ADCY6: variants seen among roughly 807,000 people sequenced by gnomAD.
ADCY6 encodes the protein adenylate cyclase 6.
A neutral mutation model predicts 111.6 loss-of-function variants in ADCY6; 59 were observed. The ratio of observed to expected loss-of-function variants is 0.53; its 90% confidence interval spans 0.43 to 0.66. ADCY6 has a LOEUF of 0.66. Ranked by LOEUF, ADCY6 falls within the 30% of genes least tolerant of loss-of-function variation. The pLI, the probability that ADCY6 is intolerant of heterozygous loss-of-function variation, is 0.00. For missense variants in ADCY6, 1,242 were observed against 1,595.6 expected (o/e 0.78, Z 3.78); for synonymous variants, 576 against 642.9 (o/e 0.90, Z 1.57).
chr12:48,781,914 T>C (rs899501714), intron 2 of ADCY6, among the ~76,000 whole-genome samples: 1 of 152,116 alleles, frequency 6.6e-6, no homozygotes, highest in Non-Finnish European at 1.5e-5. Context: ...ATGGGGAAGG[T>C]GGGATACGAT....
chr12:48,777,030 A>G lies in ADCY6; in HGVS notation c.1376+74T>C. ...AAGCCAAAACTGAGGAAATCTCCTGAGGTCTCATCAAAAAGTAGGAGCAGT... is the reference window on the plus strand; with the variant it reads ...AAGCCAAAACTGAGGAAATCTCCTGGGGTCTCATCAAAAAGTAGGAGCAGT... On this transcript the variant is annotated intron_variant, in intron 6 of 21. Coordinates refer to ENST00000357869, the MANE Select transcript of ADCY6 (RefSeq NM_015270.5). The surrounding 1 kb of genome is among the most constrained non-coding windows in gnomAD (Gnocchi z 4.9). 6.6e-7 allele frequency: 1 copy of G among 1,513,270 alleles called. No homozygotes were observed. The highest frequency in any genetic ancestry group is 8.8e-7 in the Non-Finnish European group (1 of 1,130,366). 93.7% of individuals were successfully genotyped at this position (1,513,270 alleles called of 1,614,324 possible). A position where few individuals can be genotyped will look rare whatever the true frequency, so the allele number is the denominator to read the frequency against.
In ADCY6 at chr12:48,774,426, C is replaced by T. The variant is rs1165948410; in HGVS notation, c.2259G>A (p.Val753=). The change falls in exon 14 of 22, where the codon GTG becomes GTA. Residue 753 remains valine (V), a synonymous_variant. Coordinates refer to ENST00000357869, the MANE Select transcript of ADCY6 (RefSeq NM_015270.5). Reference sequence around the variant, plus strand: ...CCATGTTGGCAATGGCAGAAGTAAACACAAGCAGGACGGAAAAGATGCCAA... The same window carrying T: ...CCATGTTGGCAATGGCAGAAGTAAATACAAGCAGGACGGAAAAGATGCCAA... ...TAVGIFSVLL[V]FTSAIANMFT... is the part of the protein sequence containing the mutation. 6.2e-7 allele frequency: 1 copy of T among 1,613,734 alleles called. No homozygotes were observed. The highest frequency in any genetic ancestry group is 2.2e-5 in the East Asian group (1 of 44,866).
chr12:48,776,780 A>C lies in ADCY6; in HGVS notation c.1377-194T>G, dbSNP rs570145628. Among the ~76,000 whole-genome samples the C allele has an allele frequency of 5.1e-4, 77 of 152,322 alleles. No homozygotes were observed. Among genetic ancestry groups the C allele is most frequent in the African/African-American group, 1.8e-3 (75 of 41,562 alleles). ...GACAAATGTTAAGGCTGTGTTCAAC[A>C]GCAGGGGCCCAGCAGCATCTTATGG... On this transcript the variant is annotated intron_variant, in intron 6 of 21. Transcript: ENST00000357869. This position sits in a 1 kb window ranked among gnomAD's most constrained non-coding sequence, Gnocchi z 6.1.
In ADCY6 at chr12:48,775,991, G is replaced by A. The variant is rs754797649; in HGVS notation, c.1778C>T (p.Thr593Ile). The change falls in exon 9 of 22, where the codon ACC becomes ATC. Residue 593 changes from threonine (T) to isoleucine (I), a missense_variant. By Grantham distance (89) the Thr-to-Ile change is moderately conservative. Around this residue, in one of 4 missense-constraint regions of ADCY6, gnomAD observed 375 missense variants for 432.5 expected, o/e 0.87. Transcript: ENST00000357869. ...CTGGCGGAAGGCCTTGGAGTCCTTGGTCCGGGAGAAGGCACGATCAGGAAC... is the reference window on the plus strand; with the variant it reads ...CTGGCGGAAGGCCTTGGAGTCCTTGATCCGGGAGAAGGCACGATCAGGAAC... ...RWVPDRAFSR[T>I]KDSKAFRQMG... 5 of 1,609,632 alleles carry A rather than the reference G, an allele frequency of 3.1e-6. No individual in the cohort carries two copies. The South Asian group carries it at 5.5e-5, about 18-fold the overall frequency.
rs1941730950 is a variant in ADCY6, at chr12:48,777,334, C to T, written c.1248+76G>A. 1 of 1,601,218 alleles carries T rather than the reference C, an allele frequency of 6.2e-7. No homozygotes were observed. Among genetic ancestry groups the T allele is most frequent in the East Asian group, 2.2e-5 (1 of 44,770 alleles). On this transcript the variant is annotated intron_variant, in intron 5 of 21. Coordinates refer to ENST00000357869, the MANE Select transcript of ADCY6 (RefSeq NM_015270.5). This position sits in a 1 kb window ranked among gnomAD's most constrained non-coding sequence, Gnocchi z 4.9. Reference sequence around the variant, plus strand: ...CGCATACTCTATCTGCCCTCAAATCCCCAGCTGCTGCCAGCAAAGCTATGC... The same window carrying T: ...CGCATACTCTATCTGCCCTCAAATCTCCAGCTGCTGCCAGCAAAGCTATGC...
chr12:48,774,157 T>TGGTGAAGCCATGTACCC, intron 14 of ADCY6, 59 bp from the exon 15 acceptor site: 1 of 1,481,280 alleles, frequency 6.8e-7, no homozygotes, highest in Non-Finnish European at 9.2e-7. Flanking sequence ...GCAAGGTACC[T>TGGTGAAGCCATGTACCC]GGTGAAGCCA....
chr12:48,777,156 C>T lies in ADCY6; in HGVS notation c.1324G>A (p.Asp442Asn), dbSNP rs1313383674. ...CVSGLPEARA[D>N]HAHCCVEMGV... ...ATCTCCACACAGCAGTGGGCATGGT[C>T]GGCCCGGGCCTCCGGCAGCCCTGAC... The change falls in exon 6 of 22, where the codon GAC becomes AAC. Residue 442 changes from aspartate to asparagine, a missense_variant. This residue lies in a region of ADCY6 where 260 missense variants were observed against 414.6 expected (regional missense o/e 0.63). Coordinates refer to ENST00000357869, the MANE Select transcript of ADCY6 (RefSeq NM_015270.5). The surrounding 1 kb of genome is among the most constrained non-coding windows in gnomAD (Gnocchi z 4.9). 11 of 1,613,788 alleles carry T rather than the reference C, an allele frequency of 6.8e-6. No individual in the cohort carries two copies. The highest frequency in any genetic ancestry group is 1.1e-5 in the South Asian group (1 of 91,058).
chr12:48,771,918 A>G lies in ADCY6; in HGVS notation c.2843T>C (p.Leu948Pro). 6.2e-7 allele frequency: 1 copy of G among 1,614,182 alleles called. No individual in the cohort carries two copies. Among genetic ancestry groups the G allele is most frequent in the Admixed American group, 1.7e-5 (1 of 60,032 alleles). ...CACGTCCTTGGGCAGAATGTTATGC[A>G]GCAGCCTCCGGTTGTATGCCTGTAG... ...EELQAYNRRL[L>P]HNILPKDVAA... Residue 948 changes from leucine to proline, a missense_variant, in exon 19 of 22, where the codon CTG becomes CCG. By Grantham distance (98) the Leu-to-Pro change is moderately conservative (BLOSUM62 -3). Transcript: ENST00000357869. The surrounding 1 kb of genome is among the most constrained non-coding windows in gnomAD (Gnocchi z 4.3).
rs190356796 is a variant in ADCY6, at chr12:48,773,651, C to A, written c.2443-4G>T. On this transcript the variant is annotated splice_polypyrimidine_tract_variant and splice_region_variant and intron_variant, in intron 15 of 21. Coordinates refer to ENST00000357869, the MANE Select transcript of ADCY6 (RefSeq NM_015270.5). Reference sequence around the variant, plus strand: ...GCAGCATGTTCCCGATGAAGTACTGCGGGGGTGGCAGAGGCAGCGTTGGGT... The same window carrying A: ...GCAGCATGTTCCCGATGAAGTACTGAGGGGGTGGCAGAGGCAGCGTTGGGT... 1 of 1,613,958 alleles carries A rather than the reference C, an allele frequency of 6.2e-7. No homozygotes were observed. Among genetic ancestry groups the A allele is most frequent in the Non-Finnish European group, 8.5e-7 (1 of 1,179,998 alleles).
intron 2 of ADCY6, among the ~76,000 whole-genome samples, chr12:48,781,521 T>C (rs1040630451): frequency 7.2e-5 from 11 of 151,992 alleles, no homozygotes; most frequent in Non-Finnish European, 1.3e-4. Context: ...CAAACTAACA[T>C]CTCTCTGAAA....
Position 48,775,346 on chromosome 12 carries a change from C to T in ADCY6, c.1937G>A (p.Arg646His), listed in dbSNP as rs777518889. The change falls in exon 11 of 22, where the codon CGC becomes CAC. Residue 646 changes from arginine to histidine, a missense_variant. Arg to His is a conservative substitution (Grantham distance 29). Around this residue, in one of 4 missense-constraint regions of ADCY6, gnomAD observed 375 missense variants for 432.5 expected, o/e 0.87. Transcript: ENST00000357869. ...SIDQLRKDHV[R>H]RFLLTFQRED... ...TCTCTGGAAGGTGAGCAGAAACCGG[C>T]GCACATGGTCCTTCCGCAGCTGATC... The T allele has an allele frequency of 2.1e-5, 34 of 1,614,004 alleles. No individual in the cohort carries two copies. The highest frequency in any genetic ancestry group is 3.3e-4 in the Middle Eastern group (2 of 6,084).
rs1240701650 is a variant in ADCY6, at chr12:48,774,158, G to C, written c.2284-60C>G. On this transcript the variant is annotated intron_variant, in intron 14 of 21. Coordinates refer to ENST00000357869, the MANE Select transcript of ADCY6 (RefSeq NM_015270.5). The stretch of plus-strand genomic sequence containing the variant: ...GGAGGGAAAGGGTTGCAAGGTACCT[G>C]GTGAAGCCATGTACCCTAACCTGGG... The C allele has an allele frequency of 2.0e-6, 3 of 1,503,456 alleles. No homozygotes were observed. The African/African-American group carries it at 4.1e-5, about 21-fold the overall frequency. 93.1% of individuals were successfully genotyped at this position (1,503,456 alleles called of 1,614,324 possible).
chr12:48,772,680 T>A, intron 16 of ADCY6, 137 bp from the exon 17 acceptor site: 1 of 962,174 alleles, frequency 1.0e-6, no homozygotes, highest in East Asian at 2.6e-5. Flanking sequence ...TTTACTTACA[T>A]TAATTAACTC....
chr12:48,785,143 CTCTA>C (rs149173758), intron 1 of ADCY6, among the ~76,000 whole-genome samples: 148 of 152,274 alleles, frequency 9.7e-4, no homozygotes, highest in East Asian at 2.1e-3. Flanking sequence ...TCCTGGAGCT[CTCTA>C]TCTTTTTCCC....
Position 48,776,464 on chromosome 12 carries a change from G to A in ADCY6, c.1499C>T (p.Thr500Ile). The change falls in exon 7 of 22, where the codon ACC becomes ATC. Residue 500 changes from threonine (T) to isoleucine (I), a missense_variant. Physicochemically the swap from Thr to Ile is moderately conservative, Grantham distance 89. Coordinates refer to ENST00000357869, the MANE Select transcript of ADCY6 (RefSeq NM_015270.5). The surrounding 1 kb of genome is among the most constrained non-coding windows in gnomAD (Gnocchi z 6.1). ...TCCTGCCTCCATGTGGTTGGCCAGG[G>A]TCACATCATTGGACCACACATCGAA... ...WQFDVWSNDV[T>I]LANHMEAGGR... 1.2e-6 allele frequency: 2 copies of A among 1,613,892 alleles called. No individual in the cohort carries two copies. The highest frequency in any genetic ancestry group is 1.7e-6 in the Non-Finnish European group (2 of 1,179,974).
At chr12:48,775,525 A>G in intron 10 of ADCY6, 75 bp from the exon 11 acceptor site, 1 of 1,599,190 alleles carries the variant, frequency 6.3e-7, no homozygotes, top group Non-Finnish European at 8.6e-7. Context: ...AAAGGTATGG[A>G]CAGCACCTGA....
chr12:48,775,693 A>C lies in ADCY6; in HGVS notation c.1812T>G (p.Ile604Met). 4 of 1,613,438 alleles carry C rather than the reference A, an allele frequency of 2.5e-6. No individual in the cohort carries two copies. Among genetic ancestry groups the C allele is most frequent in the Non-Finnish European group, 3.4e-6 (4 of 1,179,618 alleles). Reference protein sequence around the residue: ...KDSKAFRQMGIDDSSKDNRGT... With the variant: ...KDSKAFRQMGMDDSSKDNRGT... The stretch of plus-strand genomic sequence containing the variant: ...CTTACTTGTCTTTGCTGGAATCATC[A>C]ATGCCCTGGAGAAAGGGACAGAGTG... Residue 604 changes from isoleucine to methionine, a missense_variant, in exon 10 of 22, where the codon ATT (isoleucine) becomes ATG (methionine). By Grantham distance (10) the Ile-to-Met change is conservative. Coordinates refer to ENST00000357869, the MANE Select transcript of ADCY6 (RefSeq NM_015270.5).
At position 48,771,785 on chromosome 12, in the gene ADCY6, A is replaced by G; in HGVS notation, c.2976T>C (p.Tyr992=). Residue 992 remains tyrosine (Y), a synonymous_variant, in exon 19 of 22, where the codon TAT becomes TAC. Transcript: ENST00000357869. The surrounding 1 kb of genome is among the most constrained non-coding windows in gnomAD (Gnocchi z 4.3). ...CCTCATTGTTTGCCTCCAGCTCCAC[A>G]TAGAACTCAGAGAAGTTGGCAATGG... ...FASIANFSEF[Y]VELEANNEGV... The G allele has an allele frequency of 1.2e-6, 2 of 1,614,200 alleles. No homozygotes were observed. Among genetic ancestry groups the G allele is most frequent in the Non-Finnish European group, 1.7e-6 (2 of 1,180,034 alleles).
chr12:48,768,437 G>A lies in ADCY6; in HGVS notation c.*154C>T, dbSNP rs552533168. The A allele has an allele frequency of 5.3e-4, 583 of 1,093,816 alleles. 6 individuals carry two copies. In the South Asian group the frequency reaches 6.6e-3, roughly 12 times the overall value. The allele number at this position is 1,093,816 out of a possible 1,614,324, so 67.8% of individuals were successfully genotyped here. On this transcript the variant is annotated 3_prime_UTR_variant, in exon 22 of 22. Coordinates refer to ENST00000357869, the MANE Select transcript of ADCY6 (RefSeq NM_015270.5). ...CTTGTTTTCCAGCTTGAGGGCAGAC[G>A]AGCATGATCCAAGCACAGCCTGCTG... is the stretch of plus-strand genomic sequence containing the variant.
Sources: gnomAD v4.1 joint callset for allele counts (sites outside exome capture counted in the v4.1 genomes callset) on GRCh38, gnomAD v4.1.1 for gene constraint, gnomAD v4.1.1 regional missense constraint, Gnocchi (gnomAD v3.1) non-coding constraint, MANE v1.5 for transcripts, NCBI Gene and HGNC (gene_info 2026-07-23, HGNC 2026-07-21) for gene names.